The following TAF3 variants were observed in gnomAD, a reference collection of about 807,000 sequenced individuals.
TAF3 encodes the protein transcription initiation factor TFIID subunit 3.
A neutral mutation model predicts 80.6 loss-of-function variants in TAF3; 7 were observed. That is an observed-to-expected ratio of 0.09 (90% CI 0.05 to 0.16). The LOEUF (loss-of-function observed/expected upper bound fraction) is 0.16. Among genes scored for constraint, TAF3 ranks in the 10% least tolerant of loss-of-function variants. The pLI, the probability that TAF3 is intolerant of heterozygous loss-of-function variation, is 1.00. For synonymous variants in TAF3, 444 were observed against 446.1 expected (o/e 1.00, Z 0.06); for missense variants, 921 against 1,140.2 (o/e 0.81, Z 2.77).
intron 2 of TAF3, among the ~76,000 whole-genome samples, chr10:7,846,628 A>G (rs1444939466): frequency 6.6e-6 from 1 of 152,200 alleles, no homozygotes; most frequent in Non-Finnish European, 1.5e-5. Flanking sequence ...AAAAGGAGAA[A>G]AATGATCATT....
intron 2 of TAF3, among the ~76,000 whole-genome samples, chr10:7,885,872 T>C (rs1298455205): frequency 6.6e-6 from 1 of 152,168 alleles, no homozygotes; most frequent in Non-Finnish European, 1.5e-5. Context: ...ATTACCTGTT[T>C]TTAGGGTTTT....
chr10:7,821,356 C>A (rs559740592), intron 1 of TAF3, among the ~76,000 whole-genome samples: 1 of 152,262 alleles, frequency 6.6e-6, no homozygotes, highest in East Asian at 1.9e-4. Context: ...CCCTTTAAAT[C>A]CTTTCTGTTG....
chr10:8,001,568 C>T (rs1450058237), intron 4 of TAF3, among the ~76,000 whole-genome samples: 1 of 152,108 alleles, frequency 6.6e-6, no homozygotes, highest in East Asian at 1.9e-4. Flanking sequence ...TTATTTTATG[C>T]CATATAAAAT....
chr10:7,932,835 A>T (rs936428683), intron 2 of TAF3, among the ~76,000 whole-genome samples: 4 of 151,818 alleles, frequency 2.6e-5, no homozygotes, highest in African/African-American at 4.8e-5. Flanking sequence ...GCACTACCAC[A>T]CCGAGCTAAT....
chr10:7,829,761 T>C (rs1271906), intron 2 of TAF3, among the ~76,000 whole-genome samples: 68,023 of 152,006 alleles, frequency 0.45, 15,399 homozygotes, highest in South Asian at 0.55. Context: ...CTTCCCCTAC[T>C]GTGCTCTTTG....
chr10:7,940,450 A>G (rs947772003), intron 2 of TAF3, among the ~76,000 whole-genome samples: 1 of 152,268 alleles, frequency 6.6e-6, no homozygotes, highest in Non-Finnish European at 1.5e-5. Context: ...GACACAGTCC[A>G]TGCCTTTGAT....
At chr10:7,886,870 T>C (rs545369053) in intron 2 of TAF3, among the ~76,000 whole-genome samples, 1 of 152,116 alleles carries the variant, frequency 6.6e-6, no homozygotes, top group South Asian at 2.1e-4. Context: ...ATTGGAAAAA[T>C]TTTAAATACC....
At chr10:7,953,332 C>A (rs964105946) in intron 2 of TAF3, among the ~76,000 whole-genome samples, 1 of 152,220 alleles carries the variant, frequency 6.6e-6, no homozygotes, top group Non-Finnish European at 1.5e-5. Context: ...GGAACTGTTG[C>A]TTGTTGGTCA....
At chr10:7,870,520 A>C (rs1034774416) in intron 2 of TAF3, among the ~76,000 whole-genome samples, 1 of 152,192 alleles carries the variant, frequency 6.6e-6, no homozygotes, top group African/African-American at 2.4e-5. Context: ...TTTTTAATGT[A>C]AACTTCATTT....
chr10:7,964,144 G>C lies in TAF3; in HGVS notation c.634G>C (p.Ala212Pro), dbSNP rs774101421. The part of the protein sequence containing the change: ...GDTLDVVLLE[A>P]REPLSSINTQ... Reference sequence around the variant, plus strand: ...CACGCTAGATGTTGTGTTATTGGAAGCTCGAGAGCCACTCAGCTCAATAAA... The same window carrying C: ...CACGCTAGATGTTGTGTTATTGGAACCTCGAGAGCCACTCAGCTCAATAAA... Residue 212 changes from alanine to proline, a missense_variant, in exon 3 of 7, where the codon GCT becomes CCT. Physicochemically the swap from Ala to Pro is conservative, Grantham distance 27 (BLOSUM62 -1). Around this residue, in one of 6 missense-constraint regions of TAF3, gnomAD observed 743 missense variants for 821.0 expected, o/e 0.90. Transcript: ENST00000344293. The surrounding 1 kb of genome is among the most constrained non-coding windows in gnomAD (Gnocchi z 4.1). 6.2e-7 allele frequency: 1 copy of C among 1,613,996 alleles called. No homozygotes were observed. The highest frequency in any genetic ancestry group is 1.3e-5 in the African/African-American group (1 of 74,918).
At chr10:8,008,350 C>T (rs1026287233) in intron 4 of TAF3, among the ~76,000 whole-genome samples, 10 of 152,192 alleles carry the variant, frequency 6.6e-5, no homozygotes, top group Middle Eastern at 3.4e-3. Flanking sequence ...CCACCCACCT[C>T]GGCCTCCCAG....
chr10:7,946,183 C>T (rs1164232696), intron 2 of TAF3, among the ~76,000 whole-genome samples: 1 of 151,250 alleles, frequency 6.6e-6, no homozygotes, highest in Non-Finnish European at 1.5e-5. Flanking sequence ...CTATACCCTT[C>T]AAATAAAATT....
At position 7,956,172 on chromosome 10, in the gene TAF3, G is replaced by A. The variant is rs781018333; in HGVS notation, c.410-7748G>A. ...TGTAGTATTCTTACAACTTTTCTACGTTTGAAATTATTTCAAATTTAAAAA... is the reference window on the plus strand; with the variant it reads ...TGTAGTATTCTTACAACTTTTCTACATTTGAAATTATTTCAAATTTAAAAA... On this transcript the variant is annotated intron_variant, in intron 2 of 6. Coordinates refer to ENST00000344293, the MANE Select transcript of TAF3 (RefSeq NM_031923.4). Among the ~76,000 whole-genome samples, 5 of 152,142 alleles carry A rather than the reference G, an allele frequency of 3.3e-5. No homozygotes were observed. The South Asian group carries it at 8.3e-4, about 25-fold the overall frequency.
intron 2 of TAF3, among the ~76,000 whole-genome samples, chr10:7,866,461 A>G (rs912136190): frequency 3.3e-5 from 5 of 152,328 alleles, no homozygotes; most frequent in African/African-American, 9.6e-5. Context: ...AGAGCCAGTC[A>G]TCGTGACCAG....
chr10:7,845,960 T>TG (rs2131120261), intron 2 of TAF3, among the ~76,000 whole-genome samples: 1 of 44,840 alleles, frequency 2.2e-5, no homozygotes, highest in South Asian at 1.4e-3. Context: ...TGTGTTTTTG[T>TG]TTTTTTTTTT....
rs1837287455 is a variant in TAF3, at chr10:7,873,621, C to CCT, written c.409+49062_409+49063insTC. Among the ~76,000 whole-genome samples, 6 of 130,510 alleles carry CCT rather than the reference C, an allele frequency of 4.6e-5. 1 individual carries two copies. The South Asian group carries it at 1.7e-3, about 36-fold the overall frequency. 85.6% of individuals were successfully genotyped at this position (130,510 alleles called of 152,430 possible). ...CAAGGGAAGACATCCGAGTTCTCCC[C>CCT]CCCCCCCCGTCAAAAGGGGGTGTCG... On this transcript the variant is annotated intron_variant, in intron 2 of 6. Coordinates refer to ENST00000344293, the MANE Select transcript of TAF3 (RefSeq NM_031923.4).
At chr10:7,851,686 A>G (rs1046779355) in intron 2 of TAF3, among the ~76,000 whole-genome samples, 2 of 151,868 alleles carry the variant, frequency 1.3e-5, no homozygotes, top group Non-Finnish European at 2.9e-5. Flanking sequence ...ACCTTATTTT[A>G]TTTTACCCAC....
intron 4 of TAF3, among the ~76,000 whole-genome samples, chr10:7,980,930 C>A (rs1480305399): frequency 2.0e-5 from 3 of 152,198 alleles, no homozygotes; most frequent in African/African-American, 7.2e-5. Flanking sequence ...AATTGGCTAA[C>A]TTACAGTGTT....
intron 2 of TAF3, among the ~76,000 whole-genome samples, chr10:7,922,548 T>C (rs1837773104): frequency 6.6e-6 from 1 of 152,106 alleles, no homozygotes; most frequent in African/African-American, 2.4e-5. Flanking sequence ...TGTTCTTATG[T>C]TAAGTAACAC....
Sources: allele counts gnomAD v4.1 joint callset (sites outside exome capture counted in the v4.1 genomes callset), GRCh38; gene constraint gnomAD v4.1.1; regional missense constraint gnomAD v4.1.1; non-coding constraint Gnocchi (gnomAD v3.1); transcripts MANE v1.5; gene names NCBI Gene and HGNC (gene_info 2026-07-23, HGNC 2026-07-21).